The following RTN4 variants were observed in gnomAD, a reference collection of about 807,000 sequenced individuals.
RTN4 encodes reticulon 4.
Under a neutral mutation model 90.4 loss-of-function variants are expected in RTN4, and 32 were observed. That is an observed-to-expected ratio of 0.35 (90% CI 0.27 to 0.48). The LOEUF (loss-of-function observed/expected upper bound fraction) is 0.48. Ranked by LOEUF, RTN4 falls within the 20% of genes least tolerant of loss-of-function variation. The pLI, the probability that RTN4 is intolerant of heterozygous loss-of-function variation, is 0.99. For synonymous variants in RTN4, 629 were observed against 552.5 expected (o/e 1.14, Z -1.94); for missense variants, 1,706 against 1,430.2 (o/e 1.19, Z -3.11).
chr2:55,015,495 T>C (rs1369395936), intron 3 of RTN4, among the ~76,000 whole-genome samples: 1 of 152,224 alleles, frequency 6.6e-6, no homozygotes, highest in Non-Finnish European at 1.5e-5. Context: ...TTACATCCTT[T>C]ATATGTAAAG....
At chr2:55,062,329 C>G (rs1668313647) in intron 2 of RTN4, among the ~76,000 whole-genome samples, 1 of 152,150 alleles carries the variant, frequency 6.6e-6, no homozygotes, top group Non-Finnish European at 1.5e-5. Flanking sequence ...AGCTGACTAA[C>G]ACAAGCCGCC....
intron 3 of RTN4, among the ~76,000 whole-genome samples, chr2:55,011,870 G>C (rs554725942): frequency 6.6e-6 from 1 of 152,154 alleles, no homozygotes; most frequent in African/African-American, 2.4e-5. Context: ...CTCAGCTCGA[G>C]TTAATATTTA....
chr2:55,097,889 G>A (rs1247776520), intron 1 of RTN4, among the ~76,000 whole-genome samples: 1 of 152,008 alleles, frequency 6.6e-6, no homozygotes, highest in African/African-American at 2.4e-5. Context: ...ATTCCCCCAG[G>A]AAGCAGGTGG....
At chr2:55,035,738 T>C (rs1347837663) in intron 1 of RTN4, among the ~76,000 whole-genome samples, 4 of 152,026 alleles carry the variant, frequency 2.6e-5, no homozygotes, top group African/African-American at 4.8e-5. Context: ...GAAGCAAGTA[T>C]TGAAAATAAA....
At chr2:54,975,666 C>T (rs937467079) in intron 5 of RTN4, among the ~76,000 whole-genome samples, 5 of 152,228 alleles carry the variant, frequency 3.3e-5, no homozygotes, top group African/African-American at 1.2e-4. Context: ...CAGTGGTTTG[C>T]TAACCCTTGA....
At chr2:55,075,897 T>C (rs911555865) in intron 2 of RTN4, among the ~76,000 whole-genome samples, 3 of 152,128 alleles carry the variant, frequency 2.0e-5, no homozygotes, top group Admixed American at 6.5e-5. Flanking sequence ...TGTAAAAGAA[T>C]GAAACTGGAT....
At chr2:54,974,403 C>T (rs1277999192) in intron 6 of RTN4, among the ~76,000 whole-genome samples, 2 of 152,186 alleles carry the variant, frequency 1.3e-5, no homozygotes, top group Non-Finnish European at 2.9e-5. Context: ...CCTCAGCCTC[C>T]GGAGTAGCTG....
At chr2:55,101,758 TAGA>T (rs1177355084) in intron 1 of RTN4, among the ~76,000 whole-genome samples, 1 of 152,134 alleles carries the variant, frequency 6.6e-6, no homozygotes, top group Non-Finnish European at 1.5e-5. Flanking sequence ...AATTATTAAT[TAGA>T]AGAACTGCTG....
chr2:55,072,579 C>G (rs75038514), intron 2 of RTN4, among the ~76,000 whole-genome samples: 3,689 of 152,220 alleles, frequency 0.024, 78 homozygotes, highest in South Asian at 0.037. Context: ...GCTTCTGGAT[C>G]GAGGGGCATA....
chr2:55,051,023 G>A (rs1378472139), upstream of RTN4, among the ~76,000 whole-genome samples: 4 of 152,132 alleles, frequency 2.6e-5, no homozygotes, highest in East Asian at 7.7e-4. Context: ...AAAGATTTTT[G>A]AAATAAAAGA....
At chr2:54,975,904 T>A (rs143875805) in intron 5 of RTN4, among the ~76,000 whole-genome samples, 2 of 152,304 alleles carry the variant, frequency 1.3e-5, no homozygotes, top group African/African-American at 4.8e-5. Flanking sequence ...TATCTGTCAA[T>A]TGAAAAAAAA....
At position 55,015,385 on chromosome 2, in the gene RTN4, AAAT is replaced by A. The variant is rs1319862008; in HGVS notation, c.3013+9698_3013+9700del. On this transcript the variant is annotated intron_variant, in intron 3 of 8. Transcript: ENST00000337526. The stretch of plus-strand genomic sequence containing the variant: ...TAAGTGTAAAATTAAAACTATAAGT[AAAT>A]AAAAAATATATTTTCCTTTGTGAAA... Among the ~76,000 whole-genome samples the A allele has an allele frequency of 2.0e-5, 3 of 152,212 alleles. No homozygotes were observed. In the East Asian group the frequency reaches 5.8e-4, roughly 29 times the overall value.
intron 1 of RTN4, among the ~76,000 whole-genome samples, chr2:55,088,124 T>C (rs1443131001): frequency 6.6e-6 from 1 of 152,208 alleles, no homozygotes; most frequent in Non-Finnish European, 1.5e-5. Context: ...CACAGTTATC[T>C]CAAGTACTTA....
At chr2:55,133,825 A>T in the RTN4 span, among the ~76,000 whole-genome samples, 2 of 152,202 alleles carry the variant, frequency 1.3e-5, no homozygotes, top group South Asian at 2.1e-4. Context: ...GGTTCAGCCC[A>T]GGAAGTCATG....
At chr2:55,079,143 C>G (rs1245486435) in intron 2 of RTN4, among the ~76,000 whole-genome samples, 1 of 152,118 alleles carries the variant, frequency 6.6e-6, no homozygotes, top group African/African-American at 2.4e-5. Flanking sequence ...ACTGATTGAT[C>G]TATAAGGCAA....
At chr2:55,096,877 C>G (rs897899376) in intron 1 of RTN4, among the ~76,000 whole-genome samples, 1 of 151,846 alleles carries the variant, frequency 6.6e-6, no homozygotes, top group Non-Finnish European at 1.5e-5. Flanking sequence ...CTTCCCTACA[C>G]TCAAGGAATG....
chr2:55,014,728 G>C (rs1680905101), intron 3 of RTN4, among the ~76,000 whole-genome samples: 1 of 152,046 alleles, frequency 6.6e-6, no homozygotes, highest in South Asian at 2.1e-4. Context: ...TGTTGGCCAG[G>C]ATGGTCTGGA....
At chr2:55,133,719 T>C in the RTN4 span, among the ~76,000 whole-genome samples, 1 of 152,124 alleles carries the variant, frequency 6.6e-6, no homozygotes, top group Non-Finnish European at 1.5e-5. Flanking sequence ...GTCCTTAACA[T>C]AGCCCCTGCC....
At position 55,091,811 on chromosome 2, in the gene RTN4, T is replaced by C. The variant is rs537502650; in HGVS notation, c.-213-11172A>G. ...GAGGCCTCAGAATCATGGCAGGAGG[T>C]AAAAGGCATTTCTTACATGGCAGCG... On this transcript the variant is annotated intron_variant, in intron 1 of 3. Transcript: ENST00000427710. Among the ~76,000 whole-genome samples the C allele has an allele frequency of 4.3e-4, 65 of 149,966 alleles. 1 individual carries two copies. In the East Asian group the frequency reaches 7.7e-3, roughly 18 times the overall value.
Sources: allele counts gnomAD v4.1 joint callset (sites outside exome capture counted in the v4.1 genomes callset), GRCh38; gene constraint gnomAD v4.1.1; transcripts MANE v1.5; gene names NCBI Gene and HGNC (gene_info 2026-07-23, HGNC 2026-07-21).